BCKDHB: variants seen among roughly 807,000 people sequenced by gnomAD.
The protein encoded by BCKDHB is 2-oxoisovalerate dehydrogenase subunit beta, mitochondrial.
Under a neutral mutation model 48.5 loss-of-function variants are expected in BCKDHB, and 41 were observed. The observed-to-expected ratio is 0.85, with a 90% CI of 0.66 to 1.10. The LOEUF (loss-of-function observed/expected upper bound fraction) is 1.10. BCKDHB is among the 50% of genes least tolerant of loss of function. The probability of loss-of-function intolerance (pLI) is 0.00; values close to 1 mark genes in which losing one functional copy is unlikely to be tolerated. For synonymous variants in BCKDHB, 201 were observed against 174.8 expected (o/e 1.15, Z -1.18); for missense variants, 496 against 494.2 (o/e 1.00, Z -0.03).
chr6:80,436,147 C>CTTTTTTTTTTT, the BCKDHB span, among the ~76,000 whole-genome samples: 13 of 70,340 alleles, frequency 1.8e-4, 4 homozygotes, highest in Admixed American at 5.0e-4. Flanking sequence ...AAATTCTTTT[C>CTTTTTTTTTTT]TTTTTTTTTT....
At chr6:80,208,447 T>C (rs953675823) in intron 8 of BCKDHB, among the ~76,000 whole-genome samples, 1 of 151,598 alleles carries the variant, frequency 6.6e-6, no homozygotes, top group Non-Finnish European at 1.5e-5. Context: ...CTAGAGAAAG[T>C]AGAAGAAATG....
In BCKDHB at chr6:80,211,287, C is replaced by G. The variant is rs551940027; in HGVS notation, c.951+8075C>G. Among the ~76,000 whole-genome samples the G allele has an allele frequency of 1.3e-3, 197 of 152,216 alleles. 1 individual carries two copies. Among genetic ancestry groups the G allele is most frequent in the Non-Finnish European group, 2.3e-3 (157 of 68,000 alleles). On this transcript the variant is annotated intron_variant, in intron 8 of 9. Transcript: ENST00000320393. The stretch of plus-strand genomic sequence containing the variant: ...ATTATTAAAATGTATAAGAATTTGC[C>G]TTTATACCGTACAGTCTTTTTAATT...
chr6:80,439,369 A>T, the BCKDHB span, among the ~76,000 whole-genome samples: 1 of 152,232 alleles, frequency 6.6e-6, no homozygotes, highest in Non-Finnish European at 1.5e-5. Flanking sequence ...GAGAAGATAG[A>T]AATTGACATA....
intron 3 of BCKDHB, among the ~76,000 whole-genome samples, chr6:80,134,429 A>C (rs1262621253): frequency 6.6e-6 from 1 of 152,208 alleles, no homozygotes; most frequent in Non-Finnish European, 1.5e-5. Context: ...TAGGACAGGC[A>C]TGCGGTGAAG....
At chr6:80,177,030 G>A (rs1773188513) in intron 6 of BCKDHB, among the ~76,000 whole-genome samples, 2 of 151,998 alleles carry the variant, frequency 1.3e-5, no homozygotes, top group East Asian at 1.9e-4. Flanking sequence ...TTTGAGACCA[G>A]CCTGGGCAAT....
chr6:80,127,740 A>G (rs1311655776), intron 2 of BCKDHB, 116 bp downstream of exon 2: 3 of 976,050 alleles, frequency 3.1e-6, no homozygotes, highest in Non-Finnish European at 5.0e-6. Context: ...GACATTTTCA[A>G]AGGTATGATT....
the BCKDHB span, among the ~76,000 whole-genome samples, chr6:80,408,970 G>A: frequency 6.6e-6 from 1 of 152,078 alleles, no homozygotes; most frequent in African/African-American, 2.4e-5. Flanking sequence ...ATGTTAAGGT[G>A]TCAATTTTAG....
chr6:80,289,027 A>G (rs2127982408), intron 9 of BCKDHB, among the ~76,000 whole-genome samples: 1 of 152,276 alleles, frequency 6.6e-6, no homozygotes, highest in African/African-American at 2.4e-5. Context: ...AAATTCTAGT[A>G]AACACAGAGC....
At chr6:80,386,524 A>G in the BCKDHB span, among the ~76,000 whole-genome samples, 3 of 152,256 alleles carry the variant, frequency 2.0e-5, no homozygotes, top group Admixed American at 2.0e-4. Flanking sequence ...TCTTCTCTGG[A>G]TGTCAGATCT....
intron 8 of BCKDHB, among the ~76,000 whole-genome samples, chr6:80,233,121 TGAAA>T (rs1213159835): frequency 6.6e-6 from 1 of 152,190 alleles, no homozygotes; most frequent in Non-Finnish European, 1.5e-5. Context: ...TTTTCAGGTA[TGAAA>T]GACTTTTTTG....
At chr6:80,309,733 G>A (rs1238390396) in intron 9 of BCKDHB, among the ~76,000 whole-genome samples, 1 of 152,028 alleles carries the variant, frequency 6.6e-6, no homozygotes, top group African/African-American at 2.4e-5. Context: ...TTTTAGTATC[G>A]GGGTACATGT....
the BCKDHB span, among the ~76,000 whole-genome samples, chr6:80,378,756 A>T: frequency 3.9e-5 from 6 of 152,104 alleles, no homozygotes; most frequent in African/African-American, 1.4e-4. Context: ...TCCCTCCAAC[A>T]GTGTATAAGC....
intron 9 of BCKDHB, among the ~76,000 whole-genome samples, chr6:80,322,791 C>T (rs1185171542): frequency 1.3e-5 from 2 of 151,924 alleles, no homozygotes; most frequent in African/African-American, 4.8e-5. Context: ...CTGGATTTTA[C>T]ATCTTATGTT....
intron 3 of BCKDHB, among the ~76,000 whole-genome samples, chr6:80,150,778 TTC>T (rs1452012074): frequency 6.6e-6 from 1 of 151,858 alleles, no homozygotes; most frequent in East Asian, 1.9e-4. Flanking sequence ...ACTGGTCTTT[TTC>T]TCCTGACCTC....
chr6:80,113,420 C>A lies in BCKDHB; in HGVS notation c.196+6531C>A, dbSNP rs192996085. 3.5e-4 allele frequency among the ~76,000 whole-genome samples: 54 copies of A among 152,302 alleles called. No individual in the cohort carries two copies. In the East Asian group the frequency reaches 9.7e-3, roughly 27 times the overall value. ...ACTCAGGCCTCTCACCCAAACTGGG[C>A]GGTGGTGGTCAGGTGCTTCCACATA... On this transcript the variant is annotated intron_variant, in intron 1 of 9. Coordinates refer to ENST00000320393, the MANE Select transcript of BCKDHB (RefSeq NM_183050.4).
Position 80,168,882 on chromosome 6 carries a change from A to G in BCKDHB, c.485A>G (p.Asn162Ser). The change falls in exon 5 of 10, where the codon AAT (asparagine) becomes AGT (serine). Residue 162 changes from asparagine (N) to serine (S), a missense_variant. Coordinates refer to ENST00000320393, the MANE Select transcript of BCKDHB (RefSeq NM_183050.4). ...TTTCTTTCTGACCCTCAGATTGTTA[A>G]TGAAGCTGCCAAGTATCGCTATCGC... ...YIFPAFDQIV[N>S]EAAKYRYRSG... The G allele has an allele frequency of 1.9e-6, 3 of 1,614,068 alleles. No homozygotes were observed. Among genetic ancestry groups the G allele is most frequent in the Non-Finnish European group, 2.5e-6 (3 of 1,179,990 alleles).
chr6:80,267,517 C>G (rs1168251982), intron 8 of BCKDHB, among the ~76,000 whole-genome samples: 10 of 151,900 alleles, frequency 6.6e-5, no homozygotes, highest in African/African-American at 1.9e-4. Context: ...AGAATGTCTG[C>G]CAGTGTGGGG....
chr6:80,328,459 G>A (rs1241263630), intron 9 of BCKDHB, among the ~76,000 whole-genome samples: 4 of 152,088 alleles, frequency 2.6e-5, no homozygotes, highest in Non-Finnish European at 4.4e-5. Context: ...AAGTTGAGAT[G>A]TTTTGTCATT....
intron 3 of BCKDHB, among the ~76,000 whole-genome samples, chr6:80,160,533 A>C (rs1314138413): frequency 6.6e-6 from 1 of 152,196 alleles, no homozygotes; most frequent in Non-Finnish European, 1.5e-5. Flanking sequence ...TTAGATAGGG[A>C]ATAGGGTTCA....
Sources: gnomAD v4.1 joint callset for allele counts (sites outside exome capture counted in the v4.1 genomes callset) on GRCh38, gnomAD v4.1.1 for gene constraint, MANE v1.5 for transcripts, NCBI Gene and HGNC (gene_info 2026-07-23, HGNC 2026-07-21) for gene names.